The following UGGT2 variants were observed in gnomAD, a reference collection of about 807,000 sequenced individuals.
The protein encoded by UGGT2 is UDP-glucose glycoprotein glucosyltransferase 2.
Under a neutral mutation model 192.1 loss-of-function variants are expected in UGGT2, and 180 were observed. The ratio of observed to expected loss-of-function variants is 0.94; its 90% CI spans 0.83 to 1.06. The LOEUF (loss-of-function observed/expected upper bound fraction) is 1.06. UGGT2 is among the 50% of genes least tolerant of loss of function. The probability of loss-of-function intolerance (pLI) is 0.00; values close to 1 mark genes in which losing one functional copy is unlikely to be tolerated. For synonymous variants in UGGT2, 580 were observed against 591.0 expected (o/e 0.98, Z 0.27); for missense variants, 1,849 against 1,795.7 (o/e 1.03, Z -0.54).
At chr13:95,950,539 C>CA (rs557375454) in intron 12 of UGGT2, among the ~76,000 whole-genome samples, 37,247 of 83,652 alleles carry the variant, frequency 0.45, 6,278 homozygotes, top group Non-Finnish European at 0.52. Flanking sequence ...CTGGCTCTCA[C>CA]AAAAAAAAAA....
chr13:95,840,427 C>A (rs1273610804), intron 36 of UGGT2, among the ~76,000 whole-genome samples: 2 of 152,122 alleles, frequency 1.3e-5, no homozygotes, highest in African/African-American at 2.4e-5. Context: ...ATGCGACCAA[C>A]AAACATACGA....
intron 26 of UGGT2, among the ~76,000 whole-genome samples, chr13:95,885,404 C>A (rs1594232750): frequency 6.6e-6 from 1 of 152,322 alleles, no homozygotes; most frequent in East Asian, 1.9e-4. Context: ...CAGTTCCTTG[C>A]TGGTAGTTGT....
intron 36 of UGGT2, among the ~76,000 whole-genome samples, chr13:95,848,924 T>G (rs943050040): frequency 5.3e-5 from 8 of 152,196 alleles, no homozygotes; most frequent in African/African-American, 1.9e-4. Flanking sequence ...GGAATACCTC[T>G]TCATGTATTT....
At chr13:95,829,204 G>A in intron 38 of UGGT2, among the ~76,000 whole-genome samples, 1 of 152,142 alleles carries the variant, frequency 6.6e-6, no homozygotes, top group Non-Finnish European at 1.5e-5. Context: ...CAAACCCACA[G>A]CCAGTATCAT....
Position 95,909,860 on chromosome 13 carries a change from A to C in UGGT2, c.2296-6800T>G, listed in dbSNP as rs184331702. ...CAGAGAGAAAGGTCGAGTTATCGAC[A>C]AAGGGAAGCCCATCAGACTAACAAC... On this transcript the variant is annotated intron_variant, in intron 20 of 38. Transcript: ENST00000376747. Among the ~76,000 whole-genome samples the C allele has an allele frequency of 6.6e-5, 10 of 151,566 alleles. No individual in the cohort carries two copies. The East Asian group carries it at 1.7e-3, about 26-fold the overall frequency.
chr13:95,907,193 G>A (rs201520111), intron 20 of UGGT2, among the ~76,000 whole-genome samples: 2 of 152,352 alleles, frequency 1.3e-5, no homozygotes, highest in East Asian at 3.9e-4. Context: ...CAAGCTGGCA[G>A]CCTGGCTGGG....
At chr13:95,874,500 G>A (rs1320483743) in intron 29 of UGGT2, among the ~76,000 whole-genome samples, 1 of 152,114 alleles carries the variant, frequency 6.6e-6, no homozygotes, top group Non-Finnish European at 1.5e-5. Flanking sequence ...TTTTCCAGGT[G>A]GAACAGAGCA....
intron 38 of UGGT2, among the ~76,000 whole-genome samples, chr13:95,813,063 A>G (rs1317668639): frequency 6.6e-6 from 1 of 152,192 alleles, no homozygotes; most frequent in Non-Finnish European, 1.5e-5. Flanking sequence ...ACCCAGTCTC[A>G]GGTATTTTTT....
chr13:96,031,233 T>A (rs1043005345), intron 2 of UGGT2, among the ~76,000 whole-genome samples: 2 of 152,044 alleles, frequency 1.3e-5, no homozygotes, highest in Non-Finnish European at 2.9e-5. Flanking sequence ...AGTCTACTTT[T>A]AAAAAAGAAA....
intron 17 of UGGT2, among the ~76,000 whole-genome samples, chr13:95,928,240 C>G (rs1162801358): frequency 1.3e-5 from 2 of 151,790 alleles, no homozygotes; most frequent in Admixed American, 6.6e-5. Context: ...GACGGGGCAG[C>G]TGGCCGGGCA....
At chr13:95,923,368 C>G (rs1026725215) in intron 20 of UGGT2, among the ~76,000 whole-genome samples, 2 of 119,662 alleles carry the variant, frequency 1.7e-5, no homozygotes, top group African/African-American at 6.3e-5. Context: ...TCAGCATATT[C>G]TTTTTTTTTT....
At chr13:95,841,796 T>C (rs183691198) in intron 36 of UGGT2, among the ~76,000 whole-genome samples, 1 of 152,356 alleles carries the variant, frequency 6.6e-6, no homozygotes, top group Admixed American at 6.5e-5. Flanking sequence ...CCTATGTTCA[T>C]TTCTAAGAGT....
chr13:95,914,128 A>T (rs137993505), intron 20 of UGGT2, among the ~76,000 whole-genome samples: 1 of 152,230 alleles, frequency 6.6e-6, no homozygotes, highest in African/African-American at 2.4e-5. Flanking sequence ...GGATAGCATT[A>T]GGAGACATAC....
intron 4 of UGGT2, among the ~76,000 whole-genome samples, chr13:96,022,800 C>A (rs946158305): frequency 6.6e-6 from 1 of 151,888 alleles, no homozygotes; most frequent in Non-Finnish European, 1.5e-5. Context: ...TTTCAAAAAA[C>A]AAGTTATGCT....
At chr13:95,873,211 T>C (rs1198286423) in intron 29 of UGGT2, among the ~76,000 whole-genome samples, 1 of 152,256 alleles carries the variant, frequency 6.6e-6, no homozygotes. Flanking sequence ...CTTAAAATTA[T>C]ATCTTGAAAC....
rs1229615110 is a variant in UGGT2, at chr13:96,013,474, G to A, written c.493C>T (p.Pro165Ser). Reference protein sequence around the residue: ...LLKKAASRTRPYLFKGDHKFP... With the variant: ...LLKKAASRTRSYLFKGDHKFP... ...TTGTGATCTCCTTTAAATAGATAAG[G>A]TCTAGTCCTAAGATAAAAGCAAAAC... The change falls in exon 5 of 39, where the codon CCT becomes TCT. Residue 165 changes from proline to serine, a missense_variant. Transcript: ENST00000376747. 2 of 1,530,626 alleles carry A rather than the reference G, an allele frequency of 1.3e-6. No individual in the cohort carries two copies. Among genetic ancestry groups the A allele is most frequent in the Admixed American group, 2.3e-5 (1 of 43,978 alleles). The allele number at this position is 1,530,626 out of a possible 1,614,324, so 94.8% of individuals were successfully genotyped here. A position where few individuals can be genotyped will look rare whatever the true frequency, so the allele number is the denominator to read the frequency against.
At chr13:95,834,360 GC>G (rs1280518306) in intron 37 of UGGT2, among the ~76,000 whole-genome samples, 1 of 151,948 alleles carries the variant, frequency 6.6e-6, no homozygotes, top group African/African-American at 2.4e-5. Flanking sequence ...GTGGTGGGGT[GC>G]TACTGCCATC....
intron 37 of UGGT2, 107 bp from the exon 38 acceptor site, chr13:95,833,160 C>T (rs965127435): frequency 2.8e-5 from 36 of 1,288,730 alleles, no homozygotes; most frequent in Non-Finnish European, 3.4e-5. Flanking sequence ...AAAGCAGAGT[C>T]CTACTAAGTA....
At chr13:95,826,552 T>C (rs1311598304) in intron 38 of UGGT2, among the ~76,000 whole-genome samples, 2 of 151,936 alleles carry the variant, frequency 1.3e-5, no homozygotes, top group African/African-American at 4.8e-5. Context: ...GTATAGAAAG[T>C]AGTCTTTATG....
Sources: gnomAD v4.1 joint callset for allele counts (sites outside exome capture counted in the v4.1 genomes callset) on GRCh38, gnomAD v4.1.1 for gene constraint, MANE v1.5 for transcripts, NCBI Gene and HGNC (gene_info 2026-07-23, HGNC 2026-07-21) for gene names.